The following ARHGAP10 variants were observed in gnomAD, a reference collection of about 807,000 sequenced individuals.
The protein encoded by ARHGAP10 is Rho GTPase activating protein 10.
A neutral mutation model predicts 108.6 loss-of-function variants in ARHGAP10; 87 were observed. That is an observed-to-expected ratio of 0.80 (90% CI 0.67 to 0.96). ARHGAP10 has a LOEUF of 0.96. Among genes scored for constraint, ARHGAP10 ranks in the 40% least tolerant of loss-of-function variants. ARHGAP10 has a pLI of 0.00. For missense variants in ARHGAP10, 939 were observed against 954.5 expected (o/e 0.98, Z 0.21); for synonymous variants, 347 against 341.1 (o/e 1.02, Z -0.19).
At chr4:148,014,697 A>G (rs996175177) in intron 18 of ARHGAP10, among the ~76,000 whole-genome samples, 1 of 152,214 alleles carries the variant, frequency 6.6e-6, no homozygotes, top group African/African-American at 2.4e-5. Flanking sequence ...GTTGTACTTT[A>G]TAAAGTCTGG....
chr4:147,914,439 C>T (rs940948073), intron 13 of ARHGAP10, among the ~76,000 whole-genome samples: 1 of 151,952 alleles, frequency 6.6e-6, no homozygotes, highest in Non-Finnish European at 1.5e-5. Flanking sequence ...CTCACTGCAG[C>T]CTCAAATTCC....
intron 18 of ARHGAP10, among the ~76,000 whole-genome samples, chr4:147,994,337 A>G (rs1357256584): frequency 2.0e-5 from 3 of 152,212 alleles, no homozygotes; most frequent in Non-Finnish European, 4.4e-5. Context: ...CTTGAGCCAC[A>G]CATGCCGGTG....
chr4:147,975,559 A>C (rs1302271178), intron 18 of ARHGAP10, among the ~76,000 whole-genome samples: 1 of 152,216 alleles, frequency 6.6e-6, no homozygotes, highest in Non-Finnish European at 1.5e-5. Flanking sequence ...GCATCATCTC[A>C]TGGCAGAAGG....
intron 3 of ARHGAP10, among the ~76,000 whole-genome samples, chr4:147,842,390 T>C (rs756402029): frequency 6.6e-6 from 1 of 152,242 alleles, no homozygotes; most frequent in Non-Finnish European, 1.5e-5. Context: ...AGACAGTGTT[T>C]ACTCCAGAGT....
intron 10 of ARHGAP10, among the ~76,000 whole-genome samples, chr4:147,882,862 T>G (rs1735385796): frequency 6.6e-6 from 1 of 152,218 alleles, no homozygotes; most frequent in African/African-American, 2.4e-5. Flanking sequence ...TCATAGAATA[T>G]TTGCTTTTTA....
intron 1 of ARHGAP10, among the ~76,000 whole-genome samples, chr4:147,767,186 A>C (rs1042048966): frequency 6.6e-6 from 1 of 152,074 alleles, no homozygotes; most frequent in African/African-American, 2.4e-5. Context: ...CAGCAAAGAA[A>C]TCTGTTCAGC....
At chr4:147,970,846 G>A (rs1036391864) in intron 18 of ARHGAP10, among the ~76,000 whole-genome samples, 1 of 152,072 alleles carries the variant, frequency 6.6e-6, no homozygotes, top group African/African-American at 2.4e-5. Context: ...TCAGCACTTC[G>A]GGAGGCCAAG....
intron 18 of ARHGAP10, among the ~76,000 whole-genome samples, chr4:147,971,093 C>CAAAA (rs59721708): frequency 6.7e-5 from 5 of 74,218 alleles, no homozygotes; most frequent in Admixed American, 2.9e-4. Flanking sequence ...GACTCTGTCT[C>CAAAA]AAAAAAAAAA....
chr4:148,067,745 G>A (rs371239074), intron 22 of ARHGAP10, among the ~76,000 whole-genome samples: 28 of 152,326 alleles, frequency 1.8e-4, no homozygotes, highest in African/African-American at 4.3e-4. Flanking sequence ...TGACCCCTGG[G>A]CGGCCTCGTC....
At chr4:148,000,044 T>G (rs1480350313) in intron 18 of ARHGAP10, among the ~76,000 whole-genome samples, 1 of 152,062 alleles carries the variant, frequency 6.6e-6, no homozygotes, top group African/African-American at 2.4e-5. Context: ...GTCATTTACA[T>G]TAGGTATATC....
chr4:147,812,536 C>T (rs2126774054), intron 1 of ARHGAP10, among the ~76,000 whole-genome samples: 1 of 152,320 alleles, frequency 6.6e-6, no homozygotes, highest in African/African-American at 2.4e-5. Flanking sequence ...CCGTTTCCTT[C>T]CAGTCTTCCT....
chr4:147,743,732 G>A (rs1728791321), intron 1 of ARHGAP10, among the ~76,000 whole-genome samples: 1 of 152,116 alleles, frequency 6.6e-6, no homozygotes, highest in South Asian at 2.1e-4. Flanking sequence ...AGCCAAGATT[G>A]CGCCATTGCA....
chr4:147,898,189 C>T (rs368884353), intron 10 of ARHGAP10, among the ~76,000 whole-genome samples: 2 of 68,092 alleles, frequency 2.9e-5, no homozygotes, highest in African/African-American at 6.9e-5. Context: ...CCTTAGGCTG[C>T]ATTTCTTGTA....
At chr4:147,868,205 TAGTAGA>T (rs1734645703) in intron 7 of ARHGAP10, among the ~76,000 whole-genome samples, 1 of 151,898 alleles carries the variant, frequency 6.6e-6, no homozygotes. Flanking sequence ...TCCCTGCAGG[TAGTAGA>T]ATATTGAGTC....
At chr4:147,800,445 G>C (rs1365262190) in intron 1 of ARHGAP10, among the ~76,000 whole-genome samples, 1 of 152,158 alleles carries the variant, frequency 6.6e-6, no homozygotes, top group Non-Finnish European at 1.5e-5. Context: ...GGCTCCCCTA[G>C]TTATTGTTGG....
chr4:147,814,144 G>A (rs1732139751), intron 1 of ARHGAP10, among the ~76,000 whole-genome samples: 2 of 152,114 alleles, frequency 1.3e-5, no homozygotes, highest in South Asian at 2.1e-4. Context: ...CACCCTCTTT[G>A]TATTCGTACA....
chr4:148,051,775 G>T (rs1268251335), intron 20 of ARHGAP10, among the ~76,000 whole-genome samples: 3 of 152,164 alleles, frequency 2.0e-5, no homozygotes, highest in Non-Finnish European at 4.4e-5. Flanking sequence ...ACTCAGACTT[G>T]ATGTCAGTTA....
intron 1 of ARHGAP10, among the ~76,000 whole-genome samples, chr4:147,814,927 C>T (rs1276357063): frequency 6.6e-6 from 1 of 152,086 alleles, no homozygotes; most frequent in Non-Finnish European, 1.5e-5. Context: ...GAACACAGTT[C>T]AACCCATAAT....
At chr4:147,878,906 A>C (rs979530911) in intron 8 of ARHGAP10, among the ~76,000 whole-genome samples, 25 of 151,170 alleles carry the variant, frequency 1.7e-4, no homozygotes, top group African/African-American at 6.1e-4. Context: ...CCTCCCGAGT[A>C]GCTAAGACTA....
Sources: allele counts gnomAD v4.1 joint callset (sites outside exome capture counted in the v4.1 genomes callset), GRCh38; gene constraint gnomAD v4.1.1; transcripts MANE v1.5; gene names NCBI Gene and HGNC (gene_info 2026-07-23, HGNC 2026-07-21).